Variants in CFAP54 observed in about 807,000 individuals in gnomAD.
The protein encoded by CFAP54 is cilia- and flagella-associated protein 54.
CFAP54 carries 290 observed loss-of-function variants against 370.4 expected under a neutral mutation model. The ratio of observed to expected loss-of-function variants is 0.78; its 90% CI spans 0.71 to 0.86. The LOEUF is 0.86. CFAP54 is among the 40% of genes least tolerant of loss of function. The probability of loss-of-function intolerance (pLI) is 0.00; values close to 1 mark genes in which losing one functional copy is unlikely to be tolerated. For synonymous variants in CFAP54, 1,206 were observed against 1,236.5 expected (o/e 0.98, Z 0.52); for missense variants, 3,399 against 3,528.7 (o/e 0.96, Z 0.93).
intron 41 of CFAP54, 47 bp from the exon 42 acceptor site, chr12:96,684,982 A>C: frequency 6.4e-7 from 1 of 1,567,124 alleles, no homozygotes; most frequent in Non-Finnish European, 8.8e-7. Flanking sequence ...TAGATTTAAT[A>C]ATGGGTCTCA....
rs191975095 is a variant in CFAP54 at position 96,671,026 on chromosome 12, G to A, written c.5563+7094G>A. On this transcript the variant is annotated intron_variant, in intron 39 of 67. Coordinates refer to ENST00000524981, the MANE Select transcript of CFAP54 (RefSeq NM_001306084.2). The stretch of plus-strand genomic sequence containing the variant: ...ATGAAGTCTTGCTCCAGGCTGGAGT[G>A]TAGTAGTGCTATCCCAGCTCACTGT... 1.8e-4 allele frequency among the ~76,000 whole-genome samples: 28 copies of A among 152,314 alleles called. No individual in the cohort carries two copies. In the East Asian group the frequency reaches 5.2e-3, roughly 28 times the overall value.
At position 96,648,087 on chromosome 12, in the gene CFAP54, A is replaced by G. The variant is rs1049028942; in HGVS notation, c.4690+70A>G. 22 of 1,188,684 alleles carry G rather than the reference A, an allele frequency of 1.9e-5. No homozygotes were observed. The African/African-American group carries it at 3.2e-4, about 17-fold the overall frequency. 73.6% of individuals were successfully genotyped at this position (1,188,684 alleles called of 1,614,324 possible). On this transcript the variant is annotated intron_variant, in intron 34 of 67. Coordinates refer to ENST00000524981, the MANE Select transcript of CFAP54 (RefSeq NM_001306084.2). ...TTATTCACTAAACAACACAGCACAC[A>G]TACACATTGTGGACACACAAATGTA...
At chr12:96,868,048 A>C (rs187101162) in intron 67 of CFAP54, among the ~76,000 whole-genome samples, 1 of 152,304 alleles carries the variant, frequency 6.6e-6, no homozygotes, top group Admixed American at 6.5e-5. Context: ...CAATTTAAAA[A>C]AAAGACTCAT....
At chr12:96,861,057 G>T in intron 67 of CFAP54, 105 bp downstream of exon 67, 1 of 774,784 alleles carries the variant, frequency 1.3e-6, no homozygotes, top group Non-Finnish European at 1.8e-6. Flanking sequence ...TTTTACACAA[G>T]CTAAATTTCT....
intron 56 of CFAP54, among the ~76,000 whole-genome samples, chr12:96,754,265 T>G (rs1339230919): frequency 1.3e-5 from 2 of 152,150 alleles, no homozygotes; most frequent in Non-Finnish European, 2.9e-5. Flanking sequence ...AGCTAAACAT[T>G]TTGGTTAATT....
At chr12:96,558,891 T>C (rs2136405086) in intron 17 of CFAP54, among the ~76,000 whole-genome samples, 1 of 152,130 alleles carries the variant, frequency 6.6e-6, no homozygotes, top group East Asian at 1.9e-4. Context: ...TCATATCAAG[T>C]TAAAAAGCTT....
chr12:96,704,586 T>G (rs1957528521), intron 46 of CFAP54, among the ~76,000 whole-genome samples, 157 bp from the exon 47 acceptor site: 1 of 148,890 alleles, frequency 6.7e-6, no homozygotes. Flanking sequence ...TATGTATGAT[T>G]TTTACTTTAT....
chr12:96,788,450 T>G (rs1958650433), intron 62 of CFAP54, among the ~76,000 whole-genome samples: 1 of 152,244 alleles, frequency 6.6e-6, no homozygotes, highest in African/African-American at 2.4e-5. Flanking sequence ...TGATTTATTT[T>G]GAATTATCTC....
chr12:96,727,820 G>T (rs1402832900), intron 50 of CFAP54, among the ~76,000 whole-genome samples: 1 of 151,836 alleles, frequency 6.6e-6, no homozygotes, highest in Non-Finnish European at 1.5e-5. Flanking sequence ...GGTACCGGTT[G>T]TTCCTTTCCA....
chr12:96,625,841 C>G (rs1030038191), intron 29 of CFAP54, 34 bp downstream of exon 29: 1 of 1,367,466 alleles, frequency 7.3e-7, no homozygotes, highest in Admixed American at 2.1e-5. Flanking sequence ...GCTGTTCACT[C>G]GATTTATCAC....
intron 50 of CFAP54, among the ~76,000 whole-genome samples, chr12:96,722,911 G>C (rs1050824178): frequency 3.3e-5 from 5 of 152,096 alleles, no homozygotes; most frequent in African/African-American, 4.8e-5. Flanking sequence ...GGAGGTTGTA[G>C]GGGTGCAGCT....
Position 96,664,785 on chromosome 12 carries a change from A to C in CFAP54, c.5563+853A>C, listed in dbSNP as rs376785413. Among the ~76,000 whole-genome samples, 114 of 26,370 alleles carry C rather than the reference A, an allele frequency of 4.3e-3. 9 individuals carry two copies. The highest frequency in any genetic ancestry group is 0.023 in the African/African-American group (98 of 4,244). 17.3% of individuals were successfully genotyped at this position (26,370 alleles called of 152,430 possible). On this transcript the variant is annotated intron_variant, in intron 39 of 67. Coordinates refer to ENST00000524981, the MANE Select transcript of CFAP54 (RefSeq NM_001306084.2). Reference sequence around the variant, plus strand: ...TATATCTATATCTATATCTATATATATATATATATATATATATATATATAT... The same window carrying C: ...TATATCTATATCTATATCTATATATCTATATATATATATATATATATATAT...
chr12:96,538,438 A>G lies in CFAP54; in HGVS notation c.1846A>G (p.Lys616Glu), dbSNP rs942689976. 1.3e-6 allele frequency: 2 copies of G among 1,536,048 alleles called. No homozygotes were observed. Among genetic ancestry groups the G allele is most frequent in the African/African-American group, 1.4e-5 (1 of 73,176 alleles). ...GGACACGATAATGTTCCTATGGCAG[A>G]AATGCAAATTAGGAATTCAGCGGCT... ...VVDTIMFLWQKCKLGIQRLNI... is the reference protein window; with the variant it reads ...VVDTIMFLWQECKLGIQRLNI... The change falls in exon 13 of 68, where the codon AAA becomes GAA. Residue 616 changes from lysine to glutamate, a missense_variant. Physicochemically the swap from Lys to Glu is moderately conservative, Grantham distance 56 (BLOSUM62 1). Transcript: ENST00000524981.
chr12:96,705,745 T>A (rs1957540089), intron 47 of CFAP54, among the ~76,000 whole-genome samples: 1 of 152,214 alleles, frequency 6.6e-6, no homozygotes, highest in Non-Finnish European at 1.5e-5. Flanking sequence ...ACTCTTCAGA[T>A]TATACTTTAT....
At chr12:96,658,184 T>C in intron 37 of CFAP54, 27 bp from the exon 38 acceptor site, 3 of 1,591,252 alleles carry the variant, frequency 1.9e-6, no homozygotes, top group Non-Finnish European at 2.6e-6. Flanking sequence ...ATGTTTTCTT[T>C]TTAATGTATT....
rs761217025 is a variant in CFAP54, at chr12:96,651,742, T to G, written c.5027T>G (p.Val1676Gly). 6.2e-7 allele frequency: 1 copy of G among 1,613,770 alleles called. No individual in the cohort carries two copies. Among genetic ancestry groups the G allele is most frequent in the South Asian group, 1.1e-5 (1 of 91,076 alleles). The change falls in exon 36 of 68, where the codon GTT becomes GGT. Residue 1676 changes from valine to glycine, a missense_variant. Val to Gly is a moderately radical substitution (Grantham distance 109, BLOSUM62 -3). Coordinates refer to ENST00000524981, the MANE Select transcript of CFAP54 (RefSeq NM_001306084.2). Reference protein sequence around the residue: ...ISQDGFLCTSVLPFYLGAELL... With the variant: ...ISQDGFLCTSGLPFYLGAELL... ...CAAGATGGTTTCCTCTGCACCTCTGTTTTACCATTCTATTTGGGAGCAGAA... is the reference window on the plus strand; with the variant it reads ...CAAGATGGTTTCCTCTGCACCTCTGGTTTACCATTCTATTTGGGAGCAGAA...
Position 96,507,048 on chromosome 12 carries a change from A to G in CFAP54, c.688A>G (p.Ile230Val), listed in dbSNP as rs1489775563. The G allele has an allele frequency of 1.3e-6, 2 of 1,534,656 alleles. No homozygotes were observed. Among genetic ancestry groups the G allele is most frequent in the African/African-American group, 1.4e-5 (1 of 73,012 alleles). ...CLHILSSLRL[I>V]MQVALPQEHL... ...GCATATCTTGTCCTCCTTAAGGCTC[A>G]TCATGCAAGTGGCTCTGCCACAAGA... The change falls in exon 4 of 68, where the codon ATC becomes GTC. Residue 230 changes from isoleucine (I) to valine (V), a missense_variant. By Grantham distance (29) the Ile-to-Val change is conservative (BLOSUM62 3). Coordinates refer to ENST00000524981, the MANE Select transcript of CFAP54 (RefSeq NM_001306084.2).
intron 1 of CFAP54, among the ~76,000 whole-genome samples, chr12:96,499,419 C>G (rs1954998234): frequency 6.6e-6 from 1 of 152,088 alleles, no homozygotes; most frequent in African/African-American, 2.4e-5. Flanking sequence ...CAATAAGATA[C>G]CCTACATGCC....
chr12:96,507,573 A>G (rs1053688049), intron 4 of CFAP54, among the ~76,000 whole-genome samples: 1 of 152,022 alleles, frequency 6.6e-6, no homozygotes, highest in South Asian at 2.1e-4. Context: ...ACACACACAT[A>G]TGTACATTAT....
Sources: gnomAD v4.1 joint callset for allele counts (sites outside exome capture counted in the v4.1 genomes callset) on GRCh38, gnomAD v4.1.1 for gene constraint, MANE v1.5 for transcripts, NCBI Gene and HGNC (gene_info 2026-07-23, HGNC 2026-07-21) for gene names.